OTC: variants seen among roughly 807,000 people sequenced by gnomAD.
OTC encodes ornithine transcarbamylase, also known as ornithine transcarbamylase, mitochondrial.
Under a neutral mutation model 30.3 loss-of-function variants are expected in OTC, and 3 were observed. The observed-to-expected ratio is 0.10, with a 90% CI of 0.05 to 0.26. The LOEUF (loss-of-function observed/expected upper bound fraction) is 0.26. Among genes scored for constraint, OTC ranks in the 10% least tolerant of loss-of-function variants. The pLI is 1.00. For missense variants in OTC, 194 were observed against 260.3 expected (o/e 0.75, Z 1.75); for synonymous variants, 111 against 99.7 (o/e 1.11, Z -0.67).
rs180751181 is a variant in OTC at position 38,390,646 on chromosome X, A to G, written c.386+9217A>G. Among the ~76,000 whole-genome samples, 615 of 111,949 alleles carry G rather than the reference A, an allele frequency of 5.5e-3. 6 individuals are homozygous for G. The highest frequency in any genetic ancestry group is 0.018 in the Middle Eastern group (4 of 218). On this transcript the variant is annotated intron_variant, in intron 4 of 9. Transcript: ENST00000039007. The stretch of plus-strand genomic sequence containing the variant: ...AAAATGGATAACAGGACCCTATGAG[A>G]ATACAACCTCTGTTTGCCTTTGGCT...
chrX:38,377,285 CA>C (rs1468208720), intron 3 of OTC, among the ~76,000 whole-genome samples: 1 of 110,993 alleles, frequency 9.0e-6, no homozygotes, highest in Non-Finnish European at 1.9e-5. Flanking sequence ...GGAAGCACAG[CA>C]TATTAAAACT....
At chrX:38,400,543 G>A (rs961448216) in intron 4 of OTC, among the ~76,000 whole-genome samples, 2 of 111,497 alleles carry the variant, frequency 1.8e-5, no homozygotes, top group African/African-American at 6.5e-5. Context: ...TCTGACCCCT[G>A]TGGGAAAGAA....
At position 38,409,005 on chromosome X, in the gene OTC, G is replaced by C. The variant is rs2068530349; in HGVS notation, c.847G>C (p.Gly283Arg). 8.3e-7 allele frequency: 1 copy of C among 1,209,562 alleles called. No homozygotes were observed. The highest frequency in any genetic ancestry group is 2.2e-5 in the Admixed American group (1 of 45,695). ...GAAAAAGCGGCTCCAGGCTTTCCAA[G>C]GTTACCAGGTTACAATGAAGGTACA... ...EKKKRLQAFQ[G>R]YQVTMKTAKV... is the part of the protein sequence containing the mutation. The change falls in exon 8 of 10, where the codon GGT becomes CGT. Residue 283 changes from glycine (G) to arginine (R), a missense_variant. Coordinates refer to ENST00000039007, the MANE Select transcript of OTC (RefSeq NM_000531.6).
chrX:38,355,240 C>T (rs758948412), intron 1 of OTC, among the ~76,000 whole-genome samples: 2 of 111,108 alleles, frequency 1.8e-5, no homozygotes, highest in East Asian at 2.8e-4. Flanking sequence ...TTAACAAGAT[C>T]GATAGGATCA....
chrX:38,417,856 A>C (rs1361991381), intron 9 of OTC, among the ~76,000 whole-genome samples: 1 of 111,783 alleles, frequency 8.9e-6, no homozygotes, highest in Non-Finnish European at 1.9e-5. Context: ...CATTGGATAT[A>C]TACACCACAT....
At chrX:38,361,284 G>A (rs771006964) in intron 1 of OTC, among the ~76,000 whole-genome samples, 4 of 101,618 alleles carry the variant, frequency 3.9e-5, no homozygotes, top group Non-Finnish European at 8.2e-5. Context: ...CAGCCTGGGC[G>A]ACAGAGCGAG....
the OTC span, among the ~76,000 whole-genome samples, chrX:38,333,575 C>T: frequency 8.9e-6 from 1 of 112,211 alleles, no homozygotes; most frequent in Admixed American, 9.4e-5. Context: ...CGTCTGACAA[C>T]GTGCACAAGT....
chrX:38,414,662 A>G (rs918214218), intron 9 of OTC, among the ~76,000 whole-genome samples: 7 of 111,787 alleles, frequency 6.3e-5, no homozygotes, highest in African/African-American at 2.3e-4. Flanking sequence ...AGAGATGGCA[A>G]ATGAGTTTTA....
chrX:38,390,755 A>T (rs754049999), intron 4 of OTC, among the ~76,000 whole-genome samples: 1 of 112,256 alleles, frequency 8.9e-6, no homozygotes, highest in African/African-American at 3.2e-5. Context: ...ATGATTGTCC[A>T]TCTCATCAAC....
rs2068594759 is a variant in OTC, at chrX:38,421,344, A to G, written c.*262A>G. On this transcript the variant is annotated 3_prime_UTR_variant, in exon 10 of 10. Transcript: ENST00000039007. ...ATTTAGATATCATATTAATTATCAT[A>G]TACATTTACTTCAACATAAAATACT... is the stretch of plus-strand genomic sequence containing the variant. 2 of 332,027 alleles carry G rather than the reference A, an allele frequency of 6.0e-6. No individual in the cohort carries two copies. The highest frequency in any genetic ancestry group is 1.1e-5 in the Non-Finnish European group (2 of 187,297). 27.4% of individuals were successfully genotyped at this position (332,027 alleles called of 1,213,427 possible).
At chrX:38,377,807 A>C (rs1353908211) in intron 3 of OTC, among the ~76,000 whole-genome samples, 2 of 111,551 alleles carry the variant, frequency 1.8e-5, no homozygotes, top group African/African-American at 6.5e-5. Context: ...TCACCTCTGC[A>C]CCGTCCACAC....
At chrX:38,382,076 G>A (rs2068379625) in intron 4 of OTC, among the ~76,000 whole-genome samples, 1 of 111,854 alleles carries the variant, frequency 8.9e-6, no homozygotes, top group African/African-American at 3.2e-5. Context: ...GGTCAGTTTG[G>A]GTGTTAACAT....
At chrX:38,413,476 AT>A (rs1457875157) in intron 9 of OTC, among the ~76,000 whole-genome samples, 2 of 110,160 alleles carry the variant, frequency 1.8e-5, no homozygotes, top group African/African-American at 6.6e-5. Flanking sequence ...AACAGGGATG[AT>A]TTTTTTTCAC....
chrX:38,350,085 C>T, upstream of OTC, among the ~76,000 whole-genome samples: 1 of 110,950 alleles, frequency 9.0e-6, no homozygotes, highest in Non-Finnish European at 1.9e-5. Context: ...TTTTCAGGAA[C>T]CCCATCTAAT....
intron 1 of OTC, among the ~76,000 whole-genome samples, chrX:38,358,415 G>A (rs903901353): frequency 1.8e-5 from 2 of 110,880 alleles, no homozygotes; most frequent in African/African-American, 6.6e-5. Flanking sequence ...AACAGGATAG[G>A]AATTTAAACT....
chrX:38,394,897 G>A (rs772321975), intron 4 of OTC, among the ~76,000 whole-genome samples: 1 of 110,970 alleles, frequency 9.0e-6, no homozygotes, highest in Admixed American at 9.7e-5. Context: ...AGTTTCTGGG[G>A]GGGGGCAGGG....
intron 9 of OTC, among the ~76,000 whole-genome samples, chrX:38,416,505 T>C (rs1012444586): frequency 8.9e-6 from 1 of 112,027 alleles, no homozygotes; most frequent in Non-Finnish European, 1.9e-5. Context: ...GAAAAAATGC[T>C]GACACTTCAA....
chrX:38,422,356 A>G (rs2068600099), downstream of OTC, among the ~76,000 whole-genome samples: 1 of 112,234 alleles, frequency 8.9e-6, no homozygotes, highest in Non-Finnish European at 1.9e-5. Flanking sequence ...TTTTGTGTCC[A>G]TAGTAATTTA....
At chrX:38,346,560 T>C in the OTC span, among the ~76,000 whole-genome samples, 2 of 112,462 alleles carry the variant, frequency 1.8e-5, no homozygotes, top group Non-Finnish European at 3.8e-5. Flanking sequence ...TCAATTGTCC[T>C]TTAATGGGGG....
Sources: gnomAD v4.1 joint callset for allele counts (sites outside exome capture counted in the v4.1 genomes callset) on GRCh38, gnomAD v4.1.1 for gene constraint, MANE v1.5 for transcripts, NCBI Gene and HGNC (gene_info 2026-07-23, HGNC 2026-07-21) for gene names.